The following CACNB2 variants were observed in gnomAD, a reference collection of about 807,000 sequenced individuals.
CACNB2 encodes the protein calcium voltage-gated channel auxiliary subunit beta 2.
Under a neutral mutation model 73.3 loss-of-function variants are expected in CACNB2, and 42 were observed. That is an observed-to-expected ratio of 0.57 (90% CI 0.45 to 0.74). The LOEUF is 0.74. Ranked by LOEUF, CACNB2 falls within the 30% of genes least tolerant of loss-of-function variation. The pLI, the probability that CACNB2 is intolerant of heterozygous loss-of-function variation, is 0.00. For missense variants in CACNB2, 940 were observed against 853.0 expected, an observed-to-expected ratio of 1.10 and a Z score of -1.27; for synonymous variants, 348 against 310.3, an observed-to-expected ratio of 1.12 and a Z score of -1.28.
At chr10:18,487,725 C>G (rs2049140833) in intron 3 of CACNB2, among the ~76,000 whole-genome samples, 1 of 151,848 alleles carries the variant, frequency 6.6e-6, no homozygotes, top group Non-Finnish European at 1.5e-5. Context: ...GTCCCAGCTA[C>G]TTGGGAGGCT....
In CACNB2 at chr10:18,220,241, A is replaced by AGGGG. The variant is rs1476433166; in HGVS notation, c.213+69267_213+69268insGGGG. The stretch of plus-strand genomic sequence containing the variant: ...TATATATATATATATATAGAGAGAG[A>AGGGG]GAGAGAGAGAGAGAGAGAGAGAGAG... On this transcript the variant is annotated intron_variant, in intron 2 of 13. Transcript: ENST00000324631. Among the ~76,000 whole-genome samples the AGGGG allele has an allele frequency of 3.7e-3, 305 of 81,794 alleles. 12 individuals carry two copies. The highest frequency in any genetic ancestry group is 0.021 in the African/African-American group (293 of 14,048). 53.7% of individuals were successfully genotyped at this position (81,794 alleles called of 152,430 possible).
At chr10:18,161,265 T>C (rs1259655751) in intron 2 of CACNB2, among the ~76,000 whole-genome samples, 1 of 152,206 alleles carries the variant, frequency 6.6e-6, no homozygotes, top group South Asian at 2.1e-4. Context: ...GAAAATTATT[T>C]TGGCTTCAAG....
chr10:18,536,943 G>T (rs1274541617), intron 12 of CACNB2, among the ~76,000 whole-genome samples: 2 of 152,144 alleles, frequency 1.3e-5, no homozygotes, highest in Non-Finnish European at 2.9e-5. Flanking sequence ...ATTCTCACTT[G>T]TCGTCTATGC....
intron 2 of CACNB2, among the ~76,000 whole-genome samples, chr10:18,313,389 C>G (rs564353080): frequency 2.0e-5 from 3 of 151,098 alleles, no homozygotes; most frequent in South Asian, 4.2e-4. Context: ...CAGAAACACT[C>G]CTCTCCAACT....
intron 3 of CACNB2, among the ~76,000 whole-genome samples, chr10:18,442,219 T>G (rs1369783493): frequency 5.9e-5 from 9 of 151,974 alleles, no homozygotes. Context: ...GCGCGATCTC[T>G]ACTCACTGCA....
intron 10 of CACNB2, among the ~76,000 whole-genome samples, chr10:18,532,276 T>C (rs1349990112): frequency 6.6e-6 from 1 of 152,174 alleles, no homozygotes; most frequent in Non-Finnish European, 1.5e-5. Flanking sequence ...ACCACAAATA[T>C]CTTTATATAT....
intron 3 of CACNB2, among the ~76,000 whole-genome samples, chr10:18,425,560 T>C (rs1304953732): frequency 2.6e-5 from 4 of 152,012 alleles, no homozygotes; most frequent in African/African-American, 9.7e-5. Context: ...CCCAGCTACT[T>C]GGGAGGCTGA....
intron 2 of CACNB2, among the ~76,000 whole-genome samples, chr10:18,393,037 C>T (rs956769347): frequency 1.3e-5 from 2 of 152,094 alleles, no homozygotes; most frequent in Non-Finnish European, 1.5e-5. Flanking sequence ...GATGAAACCC[C>T]ATCTCTACTA....
Position 18,506,522 on chromosome 10 carries a change from C to T in CACNB2, c.645C>T (p.Ser215=), listed in dbSNP as rs535169510. Residue 215 remains serine (S), a synonymous_variant, in exon 6 of 14, where the codon TCC becomes TCT. Transcript: ENST00000324631. ...SSSLGDIVPS[S]RKSTPPSSAI... is the part of the protein sequence containing the mutation. ...GTTTGGGTGACATAGTACCTAGTTC[C>T]AGAAAATCAACACCTCCATCATCTG... The T allele has an allele frequency of 1.1e-5, 17 of 1,610,888 alleles. No homozygotes were observed. In the South Asian group the frequency reaches 1.8e-4, roughly 17 times the overall value.
chr10:18,442,407 C>T (rs2046455239), intron 3 of CACNB2, among the ~76,000 whole-genome samples: 1 of 152,046 alleles, frequency 6.6e-6, no homozygotes, highest in Non-Finnish European at 1.5e-5. Flanking sequence ...ACCTCGGCCT[C>T]CCAAAGCGCT....
intron 3 of CACNB2, among the ~76,000 whole-genome samples, chr10:18,426,381 A>T (rs114490766): frequency 6.6e-6 from 1 of 152,136 alleles, no homozygotes; most frequent in Non-Finnish European, 1.5e-5. Flanking sequence ...TTCTCTCTCA[A>T]GTTACAGTTT....
intron 2 of CACNB2, among the ~76,000 whole-genome samples, chr10:18,203,237 A>T (rs564356039): frequency 6.6e-6 from 1 of 152,338 alleles, no homozygotes; most frequent in African/African-American, 2.4e-5. Context: ...TCGAAATTAT[A>T]GCCGAATGAT....
intron 2 of CACNB2, among the ~76,000 whole-genome samples, chr10:18,303,482 G>A (rs934805094): frequency 4.6e-5 from 7 of 152,044 alleles, no homozygotes; most frequent in Admixed American, 1.3e-4. Context: ...TCCAGCCTGC[G>A]TGATAGAGCA....
At chr10:18,340,061 A>G (rs897136342) in intron 2 of CACNB2, among the ~76,000 whole-genome samples, 1 of 152,128 alleles carries the variant, frequency 6.6e-6, no homozygotes, top group African/African-American at 2.4e-5. Flanking sequence ...TTTATCTCCT[A>G]TGATTTATCT....
At chr10:18,173,265 TG>T (rs1350545792) in intron 2 of CACNB2, among the ~76,000 whole-genome samples, 1 of 152,206 alleles carries the variant, frequency 6.6e-6, no homozygotes, top group African/African-American at 2.4e-5. Context: ...AAAGAGATGA[TG>T]GAGATGAAAT....
rs965103548 is a variant in CACNB2 at position 18,473,594 on chromosome 10, T to A, written c.334-24761T>A. ...TAGGAACAGACTCTGGACTTATTAG[T>A]GTCTGGAGCCATCAGTCAATACTTT... On this transcript the variant is annotated intron_variant, in intron 3 of 13. Coordinates refer to ENST00000324631, the MANE Select transcript of CACNB2 (RefSeq NM_201596.3). Among the ~76,000 whole-genome samples, 5 of 152,158 alleles carry A rather than the reference T, an allele frequency of 3.3e-5. No homozygotes were observed. In the South Asian group the frequency reaches 1.0e-3, roughly 32 times the overall value.
chr10:18,536,203 T>TATCTCTATATACAGCATAA lies in CACNB2; in HGVS notation c.1302+8_1302+26dup, dbSNP rs1564670109. The TATCTCTATATACAGCATAA allele has an allele frequency of 7.3e-7, 1 of 1,363,136 alleles. No individual in the cohort carries two copies. Among genetic ancestry groups the TATCTCTATATACAGCATAA allele is most frequent in the Non-Finnish European group, 1.0e-6 (1 of 959,684 alleles). 84.4% of individuals were successfully genotyped at this position (1,363,136 alleles called of 1,614,324 possible). ...ACTGGCTCAGTGTCCTCCAGTAAGT[T>TATCTCTATATACAGCATAA]ATCTCTATATACAGCATAATCCAGT... On this transcript the variant is annotated splice_region_variant and intron_variant, in intron 12 of 13. Transcript: ENST00000324631.
intron 10 of CACNB2, chr10:18,533,148 A>G (rs952111230): frequency 1.3e-5 from 2 of 152,208 alleles, no homozygotes; most frequent in Non-Finnish European, 2.9e-5. Context: ...GCTAGCATAA[A>G]AGTCTCATGG....
intron 2 of CACNB2, among the ~76,000 whole-genome samples, chr10:18,259,173 A>T (rs2037414561): frequency 6.6e-6 from 1 of 152,156 alleles, no homozygotes. Context: ...TTTGGGACCC[A>T]GTTTGTCAGT....
Sources: gnomAD v4.1 joint callset for allele counts (sites outside exome capture counted in the v4.1 genomes callset) on GRCh38, gnomAD v4.1.1 for gene constraint, MANE v1.5 for transcripts, NCBI Gene and HGNC (gene_info 2026-07-23, HGNC 2026-07-21) for gene names.